DMD: variants seen among roughly 807,000 people sequenced by gnomAD.
DMD encodes the protein dystrophin.
DMD carries 63 observed loss-of-function variants against 330.1 expected under a neutral mutation model. The ratio of observed to expected loss-of-function variants is 0.19; its 90% CI spans 0.16 to 0.24. The LOEUF (loss-of-function observed/expected upper bound fraction) is 0.24, where lower values mean the gene tolerates loss of function less well. Ranked by LOEUF, DMD falls within the 10% of genes least tolerant of loss-of-function variation. DMD has a pLI of 1.00. For missense variants in DMD, 3,344 were observed against 2,684.1 expected (o/e 1.25, Z -5.43); for synonymous variants, 1,223 against 959.8 (o/e 1.27, Z -5.07).
chrX:32,675,928 T>A (rs1418111683), intron 9 of DMD, among the ~76,000 whole-genome samples: 1 of 111,271 alleles, frequency 9.0e-6, no homozygotes, highest in East Asian at 2.8e-4. Flanking sequence ...TATCTAAGAG[T>A]AACTGGTTCA....
chrX:31,578,282 C>T (rs943500775), intron 55 of DMD, among the ~76,000 whole-genome samples: 2 of 111,625 alleles, frequency 1.8e-5, no homozygotes, highest in Admixed American at 1.9e-4. Context: ...TTCACAGATG[C>T]GGAGATTGAT....
chrX:31,721,482 T>C (rs1270087120), intron 52 of DMD, among the ~76,000 whole-genome samples: 2 of 108,945 alleles, frequency 1.8e-5, no homozygotes, highest in African/African-American at 6.7e-5. Context: ...GGACTCAAGA[T>C]TGCAACATCA....
chrX:31,801,254 T>C (rs1423245666), intron 50 of DMD, among the ~76,000 whole-genome samples: 2 of 111,051 alleles, frequency 1.8e-5, no homozygotes, highest in Non-Finnish European at 3.8e-5. Flanking sequence ...AGAGAATGAG[T>C]GCCAGCAAGG....
At chrX:32,875,031 T>G (rs891839196) in intron 2 of DMD, among the ~76,000 whole-genome samples, 1 of 112,327 alleles carries the variant, frequency 8.9e-6, no homozygotes, top group Non-Finnish European at 1.9e-5. Context: ...GCTGAATTCC[T>G]GATTCACAAA....
rs140086867 is a variant in DMD, at chrX:31,465,887, T to G, written c.8937+12219A>C. Among the ~76,000 whole-genome samples the G allele has an allele frequency of 3.9e-4, 44 of 112,249 alleles. No homozygotes were observed. In the East Asian group the frequency reaches 9.5e-3, roughly 24 times the overall value. ...CACCTGATGTTTCCTGACTTTTTAA[T>G]GATCGCCATTGTAACTGGTGTGTTT... is the stretch of plus-strand genomic sequence containing the variant. On this transcript the variant is annotated intron_variant, in intron 59 of 78. Coordinates refer to ENST00000357033, the MANE Select transcript of DMD (RefSeq NM_004006.3).
At position 32,904,865 on chromosome X, in the gene DMD, T is replaced by C. The variant is rs976639358; in HGVS notation, c.94-55045A>G. 2.6e-4 allele frequency among the ~76,000 whole-genome samples: 29 copies of C among 112,500 alleles called. 1 individual carries two copies. Among genetic ancestry groups the C allele is most frequent in the Non-Finnish European group, 4.9e-4 (26 of 53,300 alleles). On this transcript the variant is annotated intron_variant, in intron 2 of 78. Transcript: ENST00000357033. ...TGCTGGGATTACAGGCATGAGCCAC[T>C]GCACTCAGCCCATAATGTTTTAATG...
rs776323309 is a variant in DMD, at chrX:32,218,650, G to A, written c.6291-1587C>T. ...TTATTAAACAGTTACTAATAGCCAG[G>A]CACCGGGCTCTGTGCTTTTATAGTG... On this transcript the variant is annotated intron_variant, in intron 43 of 78. Transcript: ENST00000357033. 4.5e-5 allele frequency among the ~76,000 whole-genome samples: 5 copies of A among 112,020 alleles called. No homozygotes were observed. The East Asian group carries it at 1.4e-3, about 31-fold the overall frequency.
intron 7 of DMD, among the ~76,000 whole-genome samples, chrX:32,761,025 T>TTC (rs199714605): frequency 8.1e-5 from 9 of 110,537 alleles, no homozygotes; most frequent in Non-Finnish European, 1.5e-4. Flanking sequence ...CGGGCATTAT[T>TTC]TCTCTCTCTC....
At chrX:31,275,077 C>T (rs1603280518) in intron 62 of DMD, among the ~76,000 whole-genome samples, 1 of 109,913 alleles carries the variant, frequency 9.1e-6, no homozygotes, top group East Asian at 2.8e-4. Flanking sequence ...TTAGTTTGGC[C>T]TCTTGGGATT....
At chrX:32,764,340 A>G (rs1339027574) in intron 7 of DMD, among the ~76,000 whole-genome samples, 1 of 111,360 alleles carries the variant, frequency 9.0e-6, no homozygotes, top group South Asian at 3.7e-4. Context: ...AATCATTTAT[A>G]AGCATACAAT....
intron 56 of DMD, among the ~76,000 whole-genome samples, chrX:31,506,568 C>T (rs183368065): frequency 2.7e-5 from 3 of 112,535 alleles, no homozygotes; most frequent in East Asian, 2.8e-4. Context: ...TGTTCCTCCA[C>T]GGAACTATTG....
chrX:32,686,593 G>C (rs369197992), intron 9 of DMD, among the ~76,000 whole-genome samples: 21 of 85,492 alleles, frequency 2.5e-4, no homozygotes, highest in African/African-American at 9.4e-4. Context: ...GAAAAGAAAA[G>C]AAAAGAAAGA....
At chrX:32,504,055 G>T (rs1402234793) in intron 18 of DMD, among the ~76,000 whole-genome samples, 3 of 111,321 alleles carry the variant, frequency 2.7e-5, no homozygotes, top group East Asian at 5.6e-4. Context: ...TTGATTTTTG[G>T]CAAAGGAACC....
intron 60 of DMD, among the ~76,000 whole-genome samples, chrX:31,394,878 T>C (rs1373617410): frequency 9.2e-6 from 1 of 108,495 alleles, no homozygotes; most frequent in Non-Finnish European, 1.9e-5. Context: ...AGGATCACAA[T>C]GAATAGCTAG....
intron 7 of DMD, among the ~76,000 whole-genome samples, chrX:32,776,169 G>C (rs1261115355): frequency 9.0e-6 from 1 of 110,838 alleles, no homozygotes; most frequent in Non-Finnish European, 1.9e-5. Flanking sequence ...CTCCATCTGA[G>C]ACTATCTCAG....
At chrX:31,704,297 C>T (rs971135772) in intron 52 of DMD, among the ~76,000 whole-genome samples, 1 of 111,506 alleles carries the variant, frequency 9.0e-6, no homozygotes, top group Non-Finnish European at 1.9e-5. Context: ...ATTGCTCCCA[C>T]TGTTTTCATT....
chrX:32,059,146 T>TA (rs967811350), intron 44 of DMD, among the ~76,000 whole-genome samples: 1 of 111,086 alleles, frequency 9.0e-6, no homozygotes, highest in Non-Finnish European at 1.9e-5. Context: ...CATGTAGGGT[T>TA]AAAAAAATTA....
chrX:32,380,468 T>G, intron 34 of DMD, 42 bp downstream of exon 34: 1 of 1,151,951 alleles, frequency 8.7e-7, no homozygotes, highest in East Asian at 3.0e-5. Context: ...ATTATGTGTT[T>G]TCACGTATGT....
At chrX:32,587,189 G>A (rs753297169) in intron 13 of DMD, among the ~76,000 whole-genome samples, 6 of 111,632 alleles carry the variant, frequency 5.4e-5, no homozygotes, top group Admixed American at 2.9e-4. Context: ...TGACTTTATC[G>A]TCTTTCTGAA....
Sources: allele counts gnomAD v4.1 joint callset (sites outside exome capture counted in the v4.1 genomes callset), GRCh38; gene constraint gnomAD v4.1.1; transcripts MANE v1.5; gene names NCBI Gene and HGNC (gene_info 2026-07-23, HGNC 2026-07-21).